The following FAM227B variants were observed in gnomAD, a reference collection of about 807,000 sequenced individuals.
The protein encoded by FAM227B is protein FAM227B.
In FAM227B, 88 loss-of-function variants were observed where a neutral mutation model predicts 73.8. That is an observed-to-expected ratio of 1.19 (90% CI 1.00 to 1.42). FAM227B has a LOEUF of 1.42. Ranked by LOEUF, FAM227B falls within the 40% of genes most tolerant of loss-of-function variation. The probability of loss-of-function intolerance (pLI) is 0.00; values close to 1 mark genes in which losing one functional copy is unlikely to be tolerated. For missense variants in FAM227B, 632 were observed against 590.9 expected, an observed-to-expected ratio of 1.07 and a Z score of -0.72; for synonymous variants, 210 against 190.5, an observed-to-expected ratio of 1.10 and a Z score of -0.84.
intron 13 of FAM227B, chr15:49,353,619 T>TTG (rs999826211): frequency 3.3e-5 from 5 of 151,860 alleles, no homozygotes; most frequent in Non-Finnish European, 7.4e-5. Flanking sequence ...TAAGGGTTTT[T>TTG]TTTTTTTTTT....
Position 49,484,509 on chromosome 15 carries a change from A to T in FAM227B, c.1012+23702T>A, listed in dbSNP as rs1283710089. On this transcript the variant is annotated intron_variant, in intron 11 of 15. Coordinates refer to ENST00000299338, the MANE Select transcript of FAM227B (RefSeq NM_152647.3). ...CTTCCTATGGCAATAACTTAATTGC[A>T]TATGGTATATAAAGAACCAGTTCCA... 21 of 1,437,050 alleles carry T rather than the reference A, an allele frequency of 1.5e-5. No homozygotes were observed. In the Middle Eastern group the frequency reaches 1.0e-3, roughly 69 times the overall value. The allele number at this position is 1,437,050 out of a possible 1,614,324, so 89.0% of individuals were successfully genotyped here.
chr15:49,413,167 C>T (rs1159675822), intron 11 of FAM227B, among the ~76,000 whole-genome samples: 1 of 152,038 alleles, frequency 6.6e-6, no homozygotes, highest in Non-Finnish European at 1.5e-5. Flanking sequence ...AATTGTACTC[C>T]CATAATTCCC....
At chr15:49,489,818 TATTTTA>T (rs1241583202) in intron 11 of FAM227B, among the ~76,000 whole-genome samples, 10 of 39,988 alleles carry the variant, frequency 2.5e-4, no homozygotes, top group African/African-American at 9.7e-4. Flanking sequence ...TATATATATA[TATTTTA>T]TATATATATA....
At chr15:49,394,747 A>G (rs2047453891) in intron 11 of FAM227B, among the ~76,000 whole-genome samples, 1 of 152,196 alleles carries the variant, frequency 6.6e-6, no homozygotes, top group Non-Finnish European at 1.5e-5. Flanking sequence ...TAAGGAAGAA[A>G]GGACTTCAGT....
intron 11 of FAM227B, among the ~76,000 whole-genome samples, chr15:49,469,729 T>C (rs1414869529): frequency 6.6e-6 from 1 of 152,168 alleles, no homozygotes; most frequent in African/African-American, 2.4e-5. Context: ...ATAATCTTCA[T>C]TATCAAGACA....
chr15:49,585,392 C>T (rs1421818100), intron 5 of FAM227B, among the ~76,000 whole-genome samples: 3 of 152,314 alleles, frequency 2.0e-5, no homozygotes, highest in Middle Eastern at 3.4e-3. Flanking sequence ...CACATGCACA[C>T]GTATGCTTAC....
At chr15:49,340,005 C>T (rs1031761990) in intron 13 of FAM227B, among the ~76,000 whole-genome samples, 1 of 152,160 alleles carries the variant, frequency 6.6e-6, no homozygotes, top group African/African-American at 2.4e-5. Context: ...GCTCAGACTG[C>T]TGTGCTGGCA....
At chr15:49,501,177 G>A (rs986306131) in intron 11 of FAM227B, among the ~76,000 whole-genome samples, 2 of 152,190 alleles carry the variant, frequency 1.3e-5, no homozygotes, top group Admixed American at 6.6e-5. Flanking sequence ...AAATGCAGAA[G>A]CAGATTTGGA....
intron 11 of FAM227B, among the ~76,000 whole-genome samples, chr15:49,469,171 C>T (rs1016884167): frequency 1.3e-4 from 19 of 151,966 alleles, no homozygotes; most frequent in Admixed American, 3.9e-4. Context: ...GTACTTGAGT[C>T]ATTTATTTTC....
chr15:49,592,929 C>G (rs1188592426), intron 3 of FAM227B, among the ~76,000 whole-genome samples: 3 of 152,180 alleles, frequency 2.0e-5, no homozygotes, highest in African/African-American at 7.2e-5. Context: ...GCTTCAGCCT[C>G]GCAGATCTCA....
intron 13 of FAM227B, among the ~76,000 whole-genome samples, chr15:49,349,876 C>G (rs1280961184): frequency 2.6e-5 from 4 of 151,790 alleles, no homozygotes; most frequent in East Asian, 1.9e-4. Context: ...AAACAAAACA[C>G]AAAATAACCC....
chr15:49,376,979 G>C (rs1010093491), intron 11 of FAM227B, among the ~76,000 whole-genome samples: 1 of 151,688 alleles, frequency 6.6e-6, no homozygotes, highest in African/African-American at 2.4e-5. Context: ...ATTTTTTCTA[G>C]CTACTTTTTT....
intron 10 of FAM227B, among the ~76,000 whole-genome samples, chr15:49,514,372 G>A (rs2059239772): frequency 6.6e-6 from 1 of 152,084 alleles, no homozygotes; most frequent in South Asian, 2.1e-4. Flanking sequence ...GTGAATGGGA[G>A]TTTATTCATG....
intron 13 of FAM227B, among the ~76,000 whole-genome samples, chr15:49,362,441 T>A (rs2044405947): frequency 6.6e-6 from 1 of 152,176 alleles, no homozygotes. Flanking sequence ...AAATCTCTTT[T>A]CTTCATAAAT....
intron 2 of FAM227B, among the ~76,000 whole-genome samples, chr15:49,613,378 G>A (rs2078077815): frequency 6.6e-6 from 1 of 152,038 alleles, no homozygotes; most frequent in Non-Finnish European, 1.5e-5. Context: ...AAATTAGCCA[G>A]GTGTCCCAGC....
At chr15:49,620,347 A>G (rs1306926090) in intron 1 of FAM227B, among the ~76,000 whole-genome samples, 1 of 152,186 alleles carries the variant, frequency 6.6e-6, no homozygotes, top group Non-Finnish European at 1.5e-5. Flanking sequence ...TCAATAAAAC[A>G]TTGCTCAACA....
chr15:49,521,294 T>C (rs536768122), intron 10 of FAM227B, among the ~76,000 whole-genome samples: 1 of 152,254 alleles, frequency 6.6e-6, no homozygotes, highest in African/African-American at 2.4e-5. Context: ...GCCCTTAGCA[T>C]GGGCTGCCCC....
At chr15:49,420,351 C>G (rs532900335) in intron 11 of FAM227B, among the ~76,000 whole-genome samples, 59 of 151,668 alleles carry the variant, frequency 3.9e-4, no homozygotes, top group African/African-American at 1.4e-3. Context: ...ATAACAAAAA[C>G]AAAAATGTGA....
At chr15:49,345,961 C>A (rs1369752970) in intron 13 of FAM227B, among the ~76,000 whole-genome samples, 1 of 152,038 alleles carries the variant, frequency 6.6e-6, no homozygotes, top group African/African-American at 2.4e-5. Flanking sequence ...TCGTACTTAT[C>A]TGCCAAAAGT....
Sources: gnomAD v4.1 joint callset for allele counts (sites outside exome capture counted in the v4.1 genomes callset) on GRCh38, gnomAD v4.1.1 for gene constraint, MANE v1.5 for transcripts, NCBI Gene and HGNC (gene_info 2026-07-23, HGNC 2026-07-21) for gene names.